MPDZ: variants seen among roughly 807,000 people sequenced by gnomAD.
MPDZ encodes the protein multiple PDZ domain crumbs cell polarity complex component.
Under a neutral mutation model 239.1 loss-of-function variants are expected in MPDZ, and 234 were observed. The ratio of observed to expected loss-of-function variants is 0.98; its 90% confidence interval spans 0.88 to 1.09. MPDZ has a LOEUF of 1.09. Among genes scored for constraint, MPDZ ranks in the 50% least tolerant of loss-of-function variants. MPDZ has a pLI of 0.00. For missense variants in MPDZ, 3,175 were observed against 2,510.0 expected (o/e 1.26, Z -5.66); for synonymous variants, 1,048 against 881.3 (o/e 1.19, Z -3.35).
At chr9:13,135,587 T>A (rs1412688073) in intron 31 of MPDZ, 1 of 152,226 alleles carries the variant, frequency 6.6e-6, no homozygotes. Flanking sequence ...AAGACAAAGC[T>A]GGCACATGTT....
intron 23 of MPDZ, among the ~76,000 whole-genome samples, chr9:13,158,806 A>G (rs148960653): frequency 3.9e-5 from 6 of 152,298 alleles, no homozygotes; most frequent in Admixed American, 6.5e-5. Context: ...ACTGTAAAGA[A>G]AACTGTACAA....
intron 1 of MPDZ, among the ~76,000 whole-genome samples, chr9:13,267,255 G>GTTTGAAATGA (rs376722126): frequency 3.3e-5 from 5 of 152,162 alleles, no homozygotes; most frequent in Non-Finnish European, 5.9e-5. Flanking sequence ...CAGTTTTACT[G>GTTTGAAATGA]TTTGAAATGA....
chr9:13,133,735 C>G, intron 32 of MPDZ, 89 bp downstream of exon 32: 1 of 899,570 alleles, frequency 1.1e-6, no homozygotes, highest in Admixed American at 2.2e-5. Context: ...TGCTGTTAAT[C>G]TGGAGACCAC....
intron 10 of MPDZ, among the ~76,000 whole-genome samples, chr9:13,206,965 C>T (rs1426729390): frequency 6.6e-6 from 1 of 152,060 alleles, no homozygotes; most frequent in African/African-American, 2.4e-5. Flanking sequence ...AGATACAGGC[C>T]ACTGTGCCCT....
In MPDZ at chr9:13,136,172, C is replaced by G; in HGVS notation, c.4303G>C (p.Ala1435Pro). ...GGACATACGGCCATCTGATTCACTG[C>G]ATCTTTATTTCTAAAAGCAAAAAAA... is the stretch of plus-strand genomic sequence containing the variant. ...VKIIFIRNKD[A>P]VNQMAVCPGN... Residue 1435 changes from alanine (A) to proline (P), a missense_variant, in exon 31 of 47, where the codon GCA (alanine) becomes CCA (proline). By Grantham distance (27) the Ala-to-Pro change is conservative. Coordinates refer to ENST00000319217, the MANE Select transcript of MPDZ (RefSeq NM_001378778.1). 6.2e-7 allele frequency: 1 copy of G among 1,611,018 alleles called. No homozygotes were observed.
intron 24 of MPDZ, among the ~76,000 whole-genome samples, chr9:13,152,536 T>C (rs1002201296): frequency 2.0e-5 from 3 of 152,112 alleles, no homozygotes; most frequent in Non-Finnish European, 2.9e-5. Context: ...CCTTCCACCA[T>C]GATTGTGAGG....
rs745540990 is a variant in MPDZ at position 13,186,309 on chromosome 9, C to A, written c.2442G>T (p.Gly814=). The part of the protein sequence containing the change: ...LYPPHSCEEA[G]LADKPLFRAD... ...CCCTGAAGAGGGGTTTGTCAGCCAG[C>A]CCTGCTTCCTCACAGGAGTGTGGTG... The change falls in exon 18 of 47, where the codon GGG becomes GGT. Residue 814 remains glycine (G), a synonymous_variant. Coordinates refer to ENST00000319217, the MANE Select transcript of MPDZ (RefSeq NM_001378778.1). 6.3e-7 allele frequency: 1 copy of A among 1,595,542 alleles called. No individual in the cohort carries two copies. The highest frequency in any genetic ancestry group is 8.5e-7 in the Non-Finnish European group (1 of 1,170,452).
At chr9:13,226,082 C>T (rs1239796960) in intron 3 of MPDZ, among the ~76,000 whole-genome samples, 1 of 151,954 alleles carries the variant, frequency 6.6e-6, no homozygotes, top group African/African-American at 2.4e-5. Context: ...TTTGTGTATC[C>T]TTATACCTTT....
Position 13,106,936 on chromosome 9 carries a change from G to T in MPDZ, c.*29C>A. On this transcript the variant is annotated 3_prime_UTR_variant, in exon 47 of 47. Coordinates refer to ENST00000319217, the MANE Select transcript of MPDZ (RefSeq NM_001378778.1). ...CTTTACAGTAGGAGGTGAGCTAGGGGTTGGGTTGGTTCAATTCTGGCAGCC... is the reference window on the plus strand; with the variant it reads ...CTTTACAGTAGGAGGTGAGCTAGGGTTTGGGTTGGTTCAATTCTGGCAGCC... 6.2e-7 allele frequency: 1 copy of T among 1,611,944 alleles called. No homozygotes were observed.
At chr9:13,253,619 T>C (rs1968671990) in intron 1 of MPDZ, among the ~76,000 whole-genome samples, 1 of 152,150 alleles carries the variant, frequency 6.6e-6, no homozygotes, top group South Asian at 2.1e-4. Context: ...GATACCTGAG[T>C]GATAACAGTG....
intron 3 of MPDZ, among the ~76,000 whole-genome samples, chr9:13,245,681 A>G (rs2137636052): frequency 6.6e-6 from 1 of 152,332 alleles, no homozygotes; most frequent in Non-Finnish European, 1.5e-5. Context: ...AAAATATATC[A>G]GTTGTCTATC....
intron 8 of MPDZ, 52 bp from the exon 9 acceptor site, chr9:13,217,346 AAAC>A: frequency 8.7e-7 from 1 of 1,148,260 alleles, no homozygotes; most frequent in South Asian, 1.5e-5. Context: ...AAAAAACAAA[AAAC>A]AAAAAACAAA....
At chr9:13,250,938 G>T (rs1967803959) in intron 1 of MPDZ, among the ~76,000 whole-genome samples, 1 of 151,768 alleles carries the variant, frequency 6.6e-6, no homozygotes, top group Non-Finnish European at 1.5e-5. Context: ...AGACCAGCCT[G>T]GCCAACATGG....
rs145088707 is a variant in MPDZ, at chr9:13,275,538, T to G, written c.-58+3862A>C. On this transcript the variant is annotated intron_variant, in intron 1 of 46. Coordinates refer to ENST00000319217, the MANE Select transcript of MPDZ (RefSeq NM_001378778.1). ...AGCCCTATCAAACTAATACAGATTT[T>G]GGTACCAGGAAATGGGGTGCTGCTG... Among the ~76,000 whole-genome samples, 822 of 152,306 alleles carry G rather than the reference T, an allele frequency of 5.4e-3. 6 individuals carry two copies. Among genetic ancestry groups the G allele is most frequent in the African/African-American group, 0.019 (783 of 41,548 alleles).
intron 2 of MPDZ, 142 bp from the exon 3 acceptor site, chr9:13,247,943 T>A: frequency 2.5e-6 from 2 of 811,604 alleles, no homozygotes; most frequent in South Asian, 2.4e-5. Context: ...AAAAAAACAG[T>A]AGGCCGGACC....
At chr9:13,141,120 G>C (rs1430241773) in intron 27 of MPDZ, among the ~76,000 whole-genome samples, 1 of 150,764 alleles carries the variant, frequency 6.6e-6, no homozygotes, top group Non-Finnish European at 1.5e-5. Context: ...AAAAGTACTT[G>C]GCATCATCAA....
chr9:13,190,048 T>A, intron 16 of MPDZ, 66 bp downstream of exon 16: 1 of 1,398,900 alleles, frequency 7.1e-7, no homozygotes, highest in South Asian at 1.3e-5. Flanking sequence ...TAAACTATCA[T>A]CATCTGCTTT....
intron 23 of MPDZ, among the ~76,000 whole-genome samples, chr9:13,158,894 A>C (rs181906198): frequency 4.9e-4 from 74 of 152,310 alleles, no homozygotes; most frequent in Middle Eastern, 3.4e-3. Flanking sequence ...AGGACAATAG[A>C]GAATGGTTAA....
chr9:13,113,485 C>A (rs963775358), intron 41 of MPDZ, among the ~76,000 whole-genome samples: 2 of 152,156 alleles, frequency 1.3e-5, no homozygotes, highest in African/African-American at 4.8e-5. Flanking sequence ...ATTTGAACAA[C>A]TCTCAACCAA....
Sources: allele counts gnomAD v4.1 joint callset (sites outside exome capture counted in the v4.1 genomes callset), GRCh38; gene constraint gnomAD v4.1.1; transcripts MANE v1.5; gene names NCBI Gene and HGNC (gene_info 2026-07-23, HGNC 2026-07-21).